The following HM13 variants were observed in gnomAD, a reference collection of about 807,000 sequenced individuals.
HM13 encodes signal peptide peptidase.
In HM13, 18 loss-of-function variants were observed where a neutral mutation model predicts 50.0. That is an observed-to-expected ratio of 0.36 (90% CI 0.25 to 0.53). HM13 has a LOEUF of 0.53. HM13 is among the 20% of genes least tolerant of loss of function. The pLI, the probability that HM13 is intolerant of heterozygous loss-of-function variation, is 0.90. For synonymous variants in HM13, 197 were observed against 232.6 expected, an observed-to-expected ratio of 0.85 and a Z score of 1.39; for missense variants, 393 against 552.4, an observed-to-expected ratio of 0.71 and a Z score of 2.89.
At chr20:31,532,510 C>G (rs1982879413) in intron 2 of HM13, among the ~76,000 whole-genome samples, 1 of 147,770 alleles carries the variant, frequency 6.8e-6, no homozygotes, top group African/African-American at 2.5e-5. Context: ...GGCCCCCCTA[C>G]TTTTTTTTTT....
chr20:31,527,415 T>G (rs1182032618), intron 1 of HM13, 69 bp from the exon 2 acceptor site: 1 of 1,102,582 alleles, frequency 9.1e-7, no homozygotes, highest in East Asian at 2.4e-5. Flanking sequence ...GGGAATAGCA[T>G]TAGCAGAGCC....
At position 31,514,607 on chromosome 20, in the gene HM13, C is replaced by A; in HGVS notation, c.56C>A (p.Thr19Asn). Residue 19 changes from threonine (T) to asparagine (N), a missense_variant, in exon 1 of 13, where the codon ACC becomes AAC. By Grantham distance (65) the Thr-to-Asn change is moderately conservative (BLOSUM62 0). Around this residue, in one of 3 missense-constraint regions of HM13, gnomAD observed 214 missense variants for 276.1 expected, o/e 0.77. Transcript: ENST00000398174. This position sits in a 1 kb window ranked among gnomAD's most constrained non-coding sequence, Gnocchi z 4.3. The stretch of plus-strand genomic sequence containing the variant: ...GGCAGTGCCGAGGCAGGCGGCCCCA[C>A]CAACAGCACTACGCGGCCGCCTTCC... ...HNGSAEAGGP[T>N]NSTTRPPSTP... 2 of 1,600,208 alleles carry A rather than the reference C, an allele frequency of 1.2e-6. No individual in the cohort carries two copies. Among genetic ancestry groups the A allele is most frequent in the Non-Finnish European group, 1.7e-6 (2 of 1,175,132 alleles).
At chr20:31,549,169 G>C (rs370481734) in intron 5 of HM13, 38 bp from the exon 6 acceptor site, 1 of 1,614,158 alleles carries the variant, frequency 6.2e-7, no homozygotes, top group Non-Finnish European at 8.5e-7. Flanking sequence ...GGGCAGGGTG[G>C]GTCACAGCAA....
intron 7 of HM13, among the ~76,000 whole-genome samples, chr20:31,552,655 C>G (rs890803187): frequency 1.3e-5 from 2 of 152,096 alleles, no homozygotes; most frequent in African/African-American, 4.8e-5. Context: ...ACTTGCTGAC[C>G]GTGTGGCCTT....
chr20:31,519,871 C>G (rs1189544662), intron 1 of HM13, among the ~76,000 whole-genome samples: 1 of 130,618 alleles, frequency 7.7e-6, no homozygotes, highest in Non-Finnish European at 1.6e-5. Flanking sequence ...TTGAGACAGT[C>G]TCGCTCTGTT....
At chr20:31,516,834 C>T (rs1055429635) in intron 1 of HM13, among the ~76,000 whole-genome samples, 1 of 152,178 alleles carries the variant, frequency 6.6e-6, no homozygotes. Flanking sequence ...GACCCAGATG[C>T]GGTAAAGCTT....
chr20:31,544,817 A>G, intron 3 of HM13, 130 bp from the exon 4 acceptor site: 1 of 717,018 alleles, frequency 1.4e-6, no homozygotes, highest in East Asian at 2.6e-5. Flanking sequence ...TCACATCTGT[A>G]GAGTGGGAAC....
intron 8 of HM13, among the ~76,000 whole-genome samples, chr20:31,557,235 T>C (rs1984359377): frequency 6.6e-6 from 1 of 152,188 alleles, no homozygotes; most frequent in African/African-American, 2.4e-5. Context: ...AGAAGGCATC[T>C]CTGTCAGACA....
intron 1 of HM13, among the ~76,000 whole-genome samples, chr20:31,518,662 A>G (rs1981953129): frequency 6.6e-6 from 1 of 151,730 alleles, no homozygotes. Context: ...AATAATAATA[A>G]TAATATGTTT....
chr20:31,520,742 G>C (rs1180190446), intron 1 of HM13, among the ~76,000 whole-genome samples: 1 of 152,216 alleles, frequency 6.6e-6, no homozygotes, highest in Admixed American at 6.5e-5. Context: ...GCAGCAATGA[G>C]GGCCAAAGGA....
intron 2 of HM13, among the ~76,000 whole-genome samples, chr20:31,530,136 A>G (rs1326570046): frequency 1.3e-5 from 2 of 152,118 alleles, no homozygotes; most frequent in African/African-American, 4.8e-5. Flanking sequence ...TCATAGGTAA[A>G]TAAATAAACC....
At chr20:31,532,977 T>C (rs1341856717) in intron 2 of HM13, among the ~76,000 whole-genome samples, 1 of 152,254 alleles carries the variant, frequency 6.6e-6, no homozygotes, top group Non-Finnish European at 1.5e-5. Context: ...TCAGTCTGCC[T>C]CGTGCCAGAA....
At chr20:31,529,519 A>G (rs752410423) in intron 2 of HM13, among the ~76,000 whole-genome samples, 75 of 152,166 alleles carry the variant, frequency 4.9e-4, no homozygotes, top group Non-Finnish European at 1.0e-3. Flanking sequence ...TGCTGGTATT[A>G]CAAGCATGAG....
In HM13 at chr20:31,549,109, A is replaced by G; in HGVS notation, c.535A>G (p.Arg179Gly). 1.2e-6 allele frequency: 2 copies of G among 1,614,004 alleles called. No individual in the cohort carries two copies. Among genetic ancestry groups the G allele is most frequent in the Non-Finnish European group, 1.7e-6 (2 of 1,179,912 alleles). Residue 179 changes from arginine to glycine, a missense_variant, in exon 5 of 13, where the codon AGG becomes GGG. By Grantham distance (125) the Arg-to-Gly change is moderately radical. This residue lies in a region of HM13 where 214 missense variants were observed against 276.1 expected (regional missense o/e 0.77). Transcript: ENST00000398174. ...CATCGTTGGCGTCTGGTACCTGCTG[A>G]GGAAGGTGAGTAGTCAGGACCTGGG... Reference protein sequence around the residue: ...SSIVGVWYLLRKHWIANNLFG... With the variant: ...SSIVGVWYLLGKHWIANNLFG...
chr20:31,531,752 C>T (rs973546022), intron 2 of HM13, among the ~76,000 whole-genome samples: 2 of 152,038 alleles, frequency 1.3e-5, no homozygotes, highest in Non-Finnish European at 2.9e-5. Context: ...ACAGGGTATC[C>T]CCACAAGCAA....
At chr20:31,559,517 T>G in intron 8 of HM13, 94 bp from the exon 9 acceptor site, 1 of 1,232,028 alleles carries the variant, frequency 8.1e-7, no homozygotes, top group Non-Finnish European at 1.2e-6. Flanking sequence ...TGCTCCAAGA[T>G]GGAACACCAG....
chr20:31,559,171 C>T (rs778348934), intron 8 of HM13, among the ~76,000 whole-genome samples: 3 of 152,212 alleles, frequency 2.0e-5, no homozygotes, highest in Non-Finnish European at 2.9e-5. Context: ...CCACCTCTGC[C>T]TTCCAAAGTG....
At chr20:31,539,610 A>G (rs562328682) in intron 3 of HM13, 125 of 540,724 alleles carry the variant, frequency 2.3e-4, no homozygotes, top group East Asian at 8.8e-4. Context: ...CCTGGCCAAC[A>G]TGGTGAAACC....
chr20:31,563,659 C>T (rs1396179890), intron 10 of HM13, among the ~76,000 whole-genome samples: 1 of 151,578 alleles, frequency 6.6e-6, no homozygotes, highest in Non-Finnish European at 1.5e-5. Flanking sequence ...ATTTAATATA[C>T]ATAAAGCAGT....
Sources: allele counts gnomAD v4.1 joint callset (sites outside exome capture counted in the v4.1 genomes callset), GRCh38; gene constraint gnomAD v4.1.1; regional missense constraint gnomAD v4.1.1; non-coding constraint Gnocchi (gnomAD v3.1); transcripts MANE v1.5; gene names NCBI Gene and HGNC (gene_info 2026-07-23, HGNC 2026-07-21).